Variants in PLXNA2 observed in about 807,000 individuals in gnomAD.
PLXNA2 encodes plexin A2.
Under a neutral mutation model 193.5 loss-of-function variants are expected in PLXNA2, and 91 were observed. The ratio of observed to expected loss-of-function variants is 0.47; its 90% CI spans 0.40 to 0.56. The LOEUF is 0.56. PLXNA2 is among the 20% of genes least tolerant of loss of function. The probability of loss-of-function intolerance (pLI) is 0.00; values close to 1 mark genes in which losing one functional copy is unlikely to be tolerated. For missense variants in PLXNA2, 1,995 were observed against 2,503.2 expected, an observed-to-expected ratio of 0.80 and a Z score of 4.33; for synonymous variants, 997 against 1,027.3, an observed-to-expected ratio of 0.97 and a Z score of 0.56.
At chr1:208,125,353 C>T (rs1667941748) in intron 4 of PLXNA2, among the ~76,000 whole-genome samples, 1 of 152,198 alleles carries the variant, frequency 6.6e-6, no homozygotes. Flanking sequence ...GGCTGTCATC[C>T]ACTGCTCAGC....
Position 208,190,887 on chromosome 1 carries a change from G to A in PLXNA2, c.1371+19393C>T, listed in dbSNP as rs111582109. On this transcript the variant is annotated intron_variant, in intron 3 of 31. Coordinates refer to ENST00000367033, the MANE Select transcript of PLXNA2 (RefSeq NM_025179.4). ...ATAATGGGCGTTGCTCTGCATCTTC[G>A]AACCTTTGGTGGCAGGAGTACAGTC... 3.5e-3 allele frequency among the ~76,000 whole-genome samples: 530 copies of A among 152,260 alleles called. 3 individuals are homozygous for A. The highest frequency in any genetic ancestry group is 0.012 in the African/African-American group (500 of 41,554).
chr1:208,128,331 G>A (rs544849371), intron 4 of PLXNA2, among the ~76,000 whole-genome samples: 1 of 152,330 alleles, frequency 6.6e-6, no homozygotes, highest in African/African-American at 2.4e-5. Flanking sequence ...CTCCATGGTA[G>A]TGAAAGAGGG....
intron 3 of PLXNA2, among the ~76,000 whole-genome samples, chr1:208,201,360 G>A (rs1167647310): frequency 1.3e-5 from 2 of 152,238 alleles, no homozygotes; most frequent in African/African-American, 4.8e-5. Context: ...GAGGGGGTCA[G>A]TACATATTGT....
chr1:208,094,684 A>G (rs1488233845), intron 8 of PLXNA2, among the ~76,000 whole-genome samples: 2 of 152,122 alleles, frequency 1.3e-5, no homozygotes, highest in East Asian at 1.9e-4. Flanking sequence ...AGCTTTGTCT[A>G]TTTCAACTTC....
At chr1:208,174,513 G>T (rs1669599449) in intron 3 of PLXNA2, among the ~76,000 whole-genome samples, 1 of 152,120 alleles carries the variant, frequency 6.6e-6, no homozygotes, top group Non-Finnish European at 1.5e-5. Context: ...GGAGGAGGCA[G>T]GCTGGAGGTG....
At chr1:208,199,608 T>A (rs1670473440) in intron 3 of PLXNA2, among the ~76,000 whole-genome samples, 1 of 151,940 alleles carries the variant, frequency 6.6e-6, no homozygotes, top group Non-Finnish European at 1.5e-5. Flanking sequence ...GGAGAATCGC[T>A]TGAACTAGGG....
intron 3 of PLXNA2, among the ~76,000 whole-genome samples, chr1:208,149,135 A>G (rs1274523050): frequency 6.6e-6 from 1 of 152,010 alleles, no homozygotes; most frequent in Non-Finnish European, 1.5e-5. Context: ...CTATTAACAT[A>G]TATGTGGCAT....
At chr1:208,212,863 C>A (rs771578767) in intron 2 of PLXNA2, among the ~76,000 whole-genome samples, 5 of 152,226 alleles carry the variant, frequency 3.3e-5, no homozygotes, top group Non-Finnish European at 7.3e-5. Flanking sequence ...AGATTTTAGG[C>A]CTTTCTCTAC....
At chr1:208,030,884 AAACCCATGAGGAT>A (rs1247493348) in intron 29 of PLXNA2, 2 of 985,290 alleles carry the variant, frequency 2.0e-6, no homozygotes, top group African/African-American at 3.5e-5. Context: ...TCCAGGTTCA[AAACCCATGAGGAT>A]AAAGTCTCAT....
chr1:208,209,208 A>C (rs1352436174), intron 3 of PLXNA2, among the ~76,000 whole-genome samples: 2 of 152,162 alleles, frequency 1.3e-5, no homozygotes, highest in Non-Finnish European at 2.9e-5. Context: ...CTGCTAGGTG[A>C]ACCCAGACCA....
At chr1:208,210,530 T>C (rs1018262289) in intron 2 of PLXNA2, 68 bp from the exon 3 acceptor site, 2 of 1,380,266 alleles carry the variant, frequency 1.4e-6, no homozygotes, top group Non-Finnish European at 2.0e-6. Context: ...ACACGACCCA[T>C]ATCCACAACT....
At chr1:208,110,344 C>T (rs1210917333) in intron 4 of PLXNA2, among the ~76,000 whole-genome samples, 2 of 152,250 alleles carry the variant, frequency 1.3e-5, no homozygotes, top group African/African-American at 4.8e-5. Context: ...ATCTCCCCTG[C>T]TGGGAGCAGG....
Position 208,044,809 on chromosome 1 carries a change from A to T in PLXNA2, c.3640-67T>A. 2.3e-6 allele frequency: 3 copies of T among 1,281,820 alleles called. No homozygotes were observed. Among genetic ancestry groups the T allele is most frequent in the Admixed American group, 1.9e-5 (1 of 52,214 alleles). 79.4% of individuals were successfully genotyped at this position (1,281,820 alleles called of 1,614,324 possible). A position where few individuals can be genotyped will look rare whatever the true frequency, so the allele number is the denominator to read the frequency against. ...GTGTAGAGCCCGGGCATGCCAGCAG[A>T]TCCTTACAGTGCGAGGAAGGACATG... On this transcript the variant is annotated intron_variant, in intron 19 of 31. Transcript: ENST00000367033. The surrounding 1 kb of genome is among the most constrained non-coding windows in gnomAD (Gnocchi z 4.9).
chr1:208,102,767 C>G (rs971835728), intron 5 of PLXNA2, among the ~76,000 whole-genome samples: 1 of 152,226 alleles, frequency 6.6e-6, no homozygotes, highest in African/African-American at 2.4e-5. Context: ...AATGCCAGTG[C>G]ACCACCATCT....
intron 4 of PLXNA2, among the ~76,000 whole-genome samples, chr1:208,141,810 A>AT (rs1668463203): frequency 6.6e-6 from 1 of 152,158 alleles, no homozygotes; most frequent in Admixed American, 6.5e-5. Flanking sequence ...GTAGAAGTCT[A>AT]TTTCTCAGGG....
chr1:208,143,904 C>T (rs922456766), intron 3 of PLXNA2, among the ~76,000 whole-genome samples: 4 of 152,148 alleles, frequency 2.6e-5, no homozygotes, highest in Non-Finnish European at 5.9e-5. Context: ...TCTTATAACC[C>T]TCTGAGGACT....
At chr1:208,078,873 C>A (rs911951560) in intron 12 of PLXNA2, among the ~76,000 whole-genome samples, 4 of 152,178 alleles carry the variant, frequency 2.6e-5, no homozygotes, top group African/African-American at 9.7e-5. Flanking sequence ...GAGCTAATTG[C>A]GGCTCCTGAA....
At chr1:208,220,879 GC>G (rs1442938129) in intron 1 of PLXNA2, among the ~76,000 whole-genome samples, 1 of 152,090 alleles carries the variant, frequency 6.6e-6, no homozygotes, top group African/African-American at 2.4e-5. Context: ...TGATCCCTAG[GC>G]CTCCCCGACC....
At chr1:208,123,682 C>G (rs12568876) in intron 4 of PLXNA2, among the ~76,000 whole-genome samples, 45,073 of 152,058 alleles carry the variant, frequency 0.3, 7,001 homozygotes, top group South Asian at 0.4. Context: ...GAATGACTCT[C>G]CTCTAATGGT....
Sources: gnomAD v4.1 joint callset for allele counts (sites outside exome capture counted in the v4.1 genomes callset) on GRCh38, gnomAD v4.1.1 for gene constraint, Gnocchi (gnomAD v3.1) non-coding constraint, MANE v1.5 for transcripts, NCBI Gene and HGNC (gene_info 2026-07-23, HGNC 2026-07-21) for gene names.